Variants in ERO1A observed in about 807,000 individuals in gnomAD.
ERO1A encodes the protein ERO1-like protein alpha.
Under a neutral mutation model 76.9 loss-of-function variants are expected in ERO1A, and 49 were observed. The ratio of observed to expected loss-of-function variants is 0.64; its 90% CI spans 0.51 to 0.81. ERO1A has a LOEUF of 0.81. Ranked by LOEUF, ERO1A falls within the 30% of genes least tolerant of loss-of-function variation. The pLI is 0.00. For synonymous variants in ERO1A, 174 were observed against 181.2 expected, an observed-to-expected ratio of 0.96 and a Z score of 0.32; for missense variants, 448 against 542.1, an observed-to-expected ratio of 0.83 and a Z score of 1.72.
chr14:52,690,559 G>A (rs1406902138), intron 1 of ERO1A, among the ~76,000 whole-genome samples: 1 of 152,136 alleles, frequency 6.6e-6, no homozygotes, highest in East Asian at 1.9e-4. Context: ...TGGCCAACAG[G>A]GCAAGGTGGC....
At chr14:52,673,092 A>T (rs934707578) in intron 4 of ERO1A, among the ~76,000 whole-genome samples, 1 of 147,248 alleles carries the variant, frequency 6.8e-6, no homozygotes, top group African/African-American at 2.5e-5. Context: ...TGTTATAATG[A>T]TTTTTTTTTT....
intron 13 of ERO1A, among the ~76,000 whole-genome samples, chr14:52,647,567 T>C (rs1052856232): frequency 6.6e-6 from 1 of 152,158 alleles, no homozygotes; most frequent in Non-Finnish European, 1.5e-5. Flanking sequence ...TTTTTATGCT[T>C]TTAATACATA....
rs2039475161 is a variant in ERO1A, at chr14:52,641,536, C to G, written c.*2034G>C. 1 of 151,786 alleles carries G rather than the reference C, an allele frequency of 6.6e-6. No individual in the cohort carries two copies. The highest frequency in any genetic ancestry group is 6.6e-5 in the Admixed American group (1 of 15,218). The allele number at this position is 151,786 out of a possible 1,614,324, so 9.4% of individuals were successfully genotyped here. A position where few individuals can be genotyped will look rare whatever the true frequency, so the allele number is the denominator to read the frequency against. On this transcript the variant is annotated 3_prime_UTR_variant, in exon 16 of 16. Coordinates refer to ENST00000395686, the MANE Select transcript of ERO1A (RefSeq NM_014584.3). The stretch of plus-strand genomic sequence containing the variant: ...GGCTGAGGCAGAAGAATGGCGTGAA[C>G]CTGGAAGGCAGAGCTTGCAGTGAGC...
intron 1 of ERO1A, among the ~76,000 whole-genome samples, chr14:52,690,981 G>C (rs2041334936): frequency 6.6e-6 from 1 of 151,984 alleles, no homozygotes; most frequent in African/African-American, 2.4e-5. Context: ...TGGTCAGACT[G>C]GTCTCGAACC....
chr14:52,675,753 G>A (rs1201079490), intron 4 of ERO1A, among the ~76,000 whole-genome samples: 1 of 151,668 alleles, frequency 6.6e-6, no homozygotes, highest in Non-Finnish European at 1.5e-5. Context: ...TCCCACCTCA[G>A]CCACTTGGGC....
intron 13 of ERO1A, among the ~76,000 whole-genome samples, chr14:52,649,400 T>C (rs1056605434): frequency 5.9e-5 from 9 of 152,224 alleles, no homozygotes; most frequent in African/African-American, 2.2e-4. Flanking sequence ...TTTAAATCGA[T>C]GTTTACCAGA....
intron 9 of ERO1A, among the ~76,000 whole-genome samples, chr14:52,659,425 A>C (rs1413824623): frequency 3.9e-5 from 6 of 152,166 alleles, no homozygotes; most frequent in African/African-American, 1.4e-4. Context: ...TTAGCAGAGA[A>C]GCGTATCTGG....
At chr14:52,684,408 T>C (rs949431302) in intron 1 of ERO1A, among the ~76,000 whole-genome samples, 3 of 152,064 alleles carry the variant, frequency 2.0e-5, no homozygotes, top group Non-Finnish European at 2.9e-5. Context: ...AGCTTGATTG[T>C]CCTCGGAATT....
chr14:52,689,219 G>A lies in ERO1A; in HGVS notation c.115-5312C>T, dbSNP rs578126272. Among the ~76,000 whole-genome samples the A allele has an allele frequency of 2.0e-5, 3 of 152,322 alleles. No individual in the cohort carries two copies. The East Asian group carries it at 5.8e-4, about 29-fold the overall frequency. On this transcript the variant is annotated intron_variant, in intron 1 of 15. Transcript: ENST00000395686. ...TCCACCCGCCTCAGCCTCCCAGAGT[G>A]CTGGGATTACAGGCATGAGCCACTG... is the stretch of plus-strand genomic sequence containing the variant.
chr14:52,653,209 A>G lies in ERO1A; in HGVS notation c.915T>C (p.Tyr305=). The change falls in exon 12 of 16, where the codon TAT becomes TAC. Residue 305 remains tyrosine, a synonymous_variant. Coordinates refer to ENST00000395686, the MANE Select transcript of ERO1A (RefSeq NM_014584.3). ...GEGPRRLKNL[Y]FLYLIELRAL... Reference sequence around the variant, plus strand: ...CCCTTAGTTCTATTAAGTAGAGAAAATACAAGTTCTTAAGCCTTCTTGGAC... The same window carrying G: ...CCCTTAGTTCTATTAAGTAGAGAAAGTACAAGTTCTTAAGCCTTCTTGGAC... The G allele has an allele frequency of 6.2e-7, 1 of 1,613,324 alleles. No individual in the cohort carries two copies. Among genetic ancestry groups the G allele is most frequent in the Non-Finnish European group, 8.5e-7 (1 of 1,179,500 alleles).
intron 11 of ERO1A, among the ~76,000 whole-genome samples, chr14:52,655,184 G>A (rs978600841): frequency 2.6e-5 from 4 of 152,054 alleles, no homozygotes; most frequent in Non-Finnish European, 5.9e-5. Context: ...TACCAACATG[G>A]TGAAACCCCA....
chr14:52,654,238 C>A (rs2039970086), intron 11 of ERO1A, among the ~76,000 whole-genome samples: 1 of 151,630 alleles, frequency 6.6e-6, no homozygotes, highest in Non-Finnish European at 1.5e-5. Flanking sequence ...TAATTTTTTT[C>A]TTTTATAGTT....
rs1191693009 is a variant in ERO1A at position 52,639,954 on chromosome 14, C to A, written c.*3616G>T. The A allele has an allele frequency of 6.6e-6, 1 of 152,122 alleles. No homozygotes were observed. Among genetic ancestry groups the A allele is most frequent in the African/African-American group, 2.4e-5 (1 of 41,414 alleles). The allele number at this position is 152,122 out of a possible 1,614,324, so 9.4% of individuals were successfully genotyped here. ...AGCTTTATTGACCCCCTAAAGTCTA[C>A]AAATCCTTGGGACTCTACTGACCCT... On this transcript the variant is annotated 3_prime_UTR_variant, in exon 16 of 16. Coordinates refer to ENST00000395686, the MANE Select transcript of ERO1A (RefSeq NM_014584.3).
intron 15 of ERO1A, 36 bp from the exon 16 acceptor site, chr14:52,643,666 T>G: frequency 9.0e-7 from 1 of 1,106,646 alleles, no homozygotes; most frequent in East Asian, 2.9e-5. Context: ...GAAACCATCT[T>G]AGATAAATTT....
chr14:52,678,274 T>C (rs2040869419), intron 4 of ERO1A, 160 bp downstream of exon 4: 1 of 490,254 alleles, frequency 2.0e-6, no homozygotes, highest in African/African-American at 2.0e-5. Context: ...AAAAATAAAA[T>C]GTTAAACAAA....
chr14:52,668,787 A>T (rs956667865), intron 6 of ERO1A, among the ~76,000 whole-genome samples: 2 of 148,376 alleles, frequency 1.3e-5, no homozygotes, highest in South Asian at 4.2e-4. Context: ...TATAATTATA[A>T]TTATAATTAT....
chr14:52,674,495 G>A (rs1372852747), intron 4 of ERO1A, among the ~76,000 whole-genome samples: 3 of 152,120 alleles, frequency 2.0e-5, no homozygotes, highest in African/African-American at 7.2e-5. Context: ...GCCACTATGT[G>A]CCCAGCCTCA....
Position 52,646,594 on chromosome 14 carries a change from T to C in ERO1A, c.1126-133A>G, listed in dbSNP as rs2039665671. The C allele has an allele frequency of 1.6e-5, 10 of 620,910 alleles. No homozygotes were observed. The South Asian group carries it at 1.7e-4, about 11-fold the overall frequency. 38.5% of individuals were successfully genotyped at this position (620,910 alleles called of 1,614,324 possible). A position where few individuals can be genotyped will look rare whatever the true frequency, so the allele number is the denominator to read the frequency against. ...ACCAAAAATGAGAACAGCACTAATA[T>C]TCATTGATTCTACATACCAGATCCT... On this transcript the variant is annotated intron_variant, in intron 13 of 15. Transcript: ENST00000395686.
Position 52,652,120 on chromosome 14 carries a change from C to T in ERO1A, c.1125+119G>A. 4 of 526,914 alleles carry T rather than the reference C, an allele frequency of 7.6e-6. No individual in the cohort carries two copies. In the South Asian group the frequency reaches 1.2e-4, roughly 16 times the overall value. The allele number at this position is 526,914 out of a possible 1,614,324, so 32.6% of individuals were successfully genotyped here. On this transcript the variant is annotated intron_variant, in intron 13 of 15. Transcript: ENST00000395686. ...GTGCTGGAATTACAGGCCTGAGCCA[C>T]TGCCCCTGGCCTACTCTCTACTTCT... is the stretch of plus-strand genomic sequence containing the variant.
Sources: allele counts gnomAD v4.1 joint callset (sites outside exome capture counted in the v4.1 genomes callset), GRCh38; gene constraint gnomAD v4.1.1; transcripts MANE v1.5; gene names NCBI Gene and HGNC (gene_info 2026-07-23, HGNC 2026-07-21).